The following ATXN7L2 variants were observed in gnomAD, a reference collection of about 807,000 sequenced individuals.
ATXN7L2 encodes ataxin-7-like protein 2.
In ATXN7L2, 17 loss-of-function variants were observed where a neutral mutation model predicts 59.6. The observed-to-expected ratio is 0.29, with a 90% CI of 0.20 to 0.43. The LOEUF is 0.43. ATXN7L2 is among the 20% of genes least tolerant of loss of function. The pLI, the probability that ATXN7L2 is intolerant of heterozygous loss-of-function variation, is 1.00. For missense variants in ATXN7L2, 858 were observed against 1,008.9 expected, an observed-to-expected ratio of 0.85 and a Z score of 2.03; for synonymous variants, 378 against 392.5, an observed-to-expected ratio of 0.96 and a Z score of 0.44.
At position 109,484,093 on chromosome 1, in the gene ATXN7L2, A is replaced by AC. The variant is rs1656383979; in HGVS notation, c.127+16dup. ...CCCGCGGCTGACGGTGAGTAAAGCCACCCTAAAGTCCGGGGACCCCATCAC... is the reference window on the plus strand; with the variant it reads ...CCCGCGGCTGACGGTGAGTAAAGCCACCCCTAAAGTCCGGGGACCCCATCAC... On this transcript the variant is annotated intron_variant, in intron 1 of 10. Transcript: ENST00000683729. 3 of 1,503,060 alleles carry AC rather than the reference A, an allele frequency of 2.0e-6. No individual in the cohort carries two copies. The highest frequency in any genetic ancestry group is 2.7e-6 in the Non-Finnish European group (3 of 1,121,154). The allele number at this position is 1,503,060 out of a possible 1,614,324, so 93.1% of individuals were successfully genotyped here.
At chr1:109,490,161 G>T (rs1172189851) in intron 8 of ATXN7L2, 33 bp downstream of exon 8, 3 of 1,565,864 alleles carry the variant, frequency 1.9e-6, no homozygotes, top group African/African-American at 1.4e-5. Flanking sequence ...TATGGAGGGG[G>T]TGGCCCAGCA....
Position 109,486,355 on chromosome 1 carries a change from G to T in ATXN7L2, c.194-151G>T. ...TATACCCTTTGGGACTGCTTAGATC[G>T]AACTCTGGAAGCTGGAAGCATTCAG... On this transcript the variant is annotated intron_variant, in intron 2 of 10. Coordinates refer to ENST00000683729, the MANE Select transcript of ATXN7L2 (RefSeq NM_001350175.2). The surrounding 1 kb of genome is among the most constrained non-coding windows in gnomAD (Gnocchi z 4.3). 1 of 933,674 alleles carries T rather than the reference G, an allele frequency of 1.1e-6. No individual in the cohort carries two copies. Among genetic ancestry groups the T allele is most frequent in the African/African-American group, 1.7e-5 (1 of 60,004 alleles). The allele number at this position is 933,674 out of a possible 1,614,324, so 57.8% of individuals were successfully genotyped here.
Position 109,491,030 on chromosome 1 carries a change from C to G in ATXN7L2, c.1563C>G (p.Thr521=). 1.2e-6 allele frequency: 2 copies of G among 1,613,754 alleles called. No homozygotes were observed. Among genetic ancestry groups the G allele is most frequent in the Non-Finnish European group, 1.7e-6 (2 of 1,180,022 alleles). The change falls in exon 10 of 11, where the codon ACC becomes ACG. Residue 521 remains threonine, a synonymous_variant. Transcript: ENST00000683729. This position sits in a 1 kb window ranked among gnomAD's most constrained non-coding sequence, Gnocchi z 4.1. ...CCTGCCCCCGCCTTCCAGGTCCAAC[C>G]CTGAGACCTGCCTGCCCAGCCTCCA... ...TGTCPRLPGP[T]LRPACPASMP... is the part of the protein sequence containing the mutation.
At chr1:109,487,450 C>T in intron 4 of ATXN7L2, 68 bp from the exon 5 acceptor site, 1 of 1,398,694 alleles carries the variant, frequency 7.1e-7, no homozygotes, top group South Asian at 1.6e-5. Flanking sequence ...TGGCTCTGGG[C>T]TAGAGTCCAG....
rs954145954 is a variant in ATXN7L2 at position 109,491,265 on chromosome 1, C to T, written c.1798C>T (p.Pro600Ser). 2 of 1,614,240 alleles carry T rather than the reference C, an allele frequency of 1.2e-6. No individual in the cohort carries two copies. The highest frequency in any genetic ancestry group is 1.7e-6 in the Non-Finnish European group (2 of 1,180,052). Residue 600 changes from proline (P) to serine (S), a missense_variant, in exon 10 of 11, where the codon CCT becomes TCT. Physicochemically the swap from Pro to Ser is moderately conservative, Grantham distance 74. Transcript: ENST00000683729. The surrounding 1 kb of genome is among the most constrained non-coding windows in gnomAD (Gnocchi z 4.1). ...CAAGGACGGGGTGGAGGTGGAGGCC[C>T]CTTCTCGAAAGCGGAAGTTATCCCC... Reference protein sequence around the residue: ...KGKDGVEVEAPSRKRKLSPGP... With the variant: ...KGKDGVEVEASSRKRKLSPGP...
rs776371620 is a variant in ATXN7L2, at chr1:109,491,271, C to T, written c.1804C>T (p.Arg602Ter). Residue 602 changes from arginine to a stop codon, truncating the protein, a stop_gained, in exon 10 of 11, where the codon CGA (arginine) becomes TGA (stop). Coordinates refer to ENST00000683729, the MANE Select transcript of ATXN7L2 (RefSeq NM_001350175.2). LOFTEE classifies it high-confidence loss of function. This position sits in a 1 kb window ranked among gnomAD's most constrained non-coding sequence, Gnocchi z 4.1. ...CGGGGTGGAGGTGGAGGCCCCTTCT[C>T]GAAAGCGGAAGTTATCCCCTGGCCC... ...KDGVEVEAPS[R>*]KRKLSPGPTT... is the part of the protein sequence containing the mutation. 1.2e-6 allele frequency: 2 copies of T among 1,614,242 alleles called. No individual in the cohort carries two copies. The highest frequency in any genetic ancestry group is 8.5e-7 in the Non-Finnish European group (1 of 1,180,048).
chr1:109,484,045 C>G lies in ATXN7L2; in HGVS notation c.92C>G (p.Ser31Trp). 6.6e-7 allele frequency: 1 copy of G among 1,514,886 alleles called. No individual in the cohort carries two copies. Among genetic ancestry groups the G allele is most frequent in the Non-Finnish European group, 8.9e-7 (1 of 1,128,862 alleles). The allele number at this position is 1,514,886 out of a possible 1,614,324, so 93.8% of individuals were successfully genotyped here. A position where few individuals can be genotyped will look rare whatever the true frequency, so the allele number is the denominator to read the frequency against. ...LDDFAGQSWS[S>W]WVERADLPAA... is the part of the protein sequence containing the mutation. ...GACTTCGCGGGACAGAGCTGGAGCT[C>G]GTGGGTGGAGCGGGCCGACCTGCCC... Residue 31 changes from serine to tryptophan, a missense_variant, in exon 1 of 11, where the codon TCG becomes TGG. Coordinates refer to ENST00000683729, the MANE Select transcript of ATXN7L2 (RefSeq NM_001350175.2).
chr1:109,489,747 C>G, intron 7 of ATXN7L2, 183 bp from the exon 8 acceptor site: 1 of 656,454 alleles, frequency 1.5e-6, no homozygotes, highest in Non-Finnish European at 2.6e-6. Flanking sequence ...AGCAGTCTCT[C>G]TGTCTCTTAC....
chr1:109,490,273 C>T lies in ATXN7L2; in HGVS notation c.1335C>T (p.Phe445=). ...ATGCACCTTCCTTCTGCCTTTAGTT[C>T]TGCACCTTTGGGAGCCGGCTGGTGA... The part of the protein sequence containing the change: ...YATRPPRPQA[F]CTFGSRLVSP... Residue 445 remains phenylalanine (F), a splice_region_variant and synonymous_variant, in exon 9 of 11, where the codon TTC becomes TTT. Coordinates refer to ENST00000683729, the MANE Select transcript of ATXN7L2 (RefSeq NM_001350175.2). 3.1e-6 allele frequency: 5 copies of T among 1,613,716 alleles called. No homozygotes were observed. Among genetic ancestry groups the T allele is most frequent in the Non-Finnish European group, 8.5e-7 (1 of 1,179,970 alleles).
At chr1:109,485,742 G>T in intron 1 of ATXN7L2, 1 of 1,057,194 alleles carries the variant, frequency 9.5e-7, no homozygotes, top group Non-Finnish European at 1.1e-6. Flanking sequence ...ACCCTAAACT[G>T]CACCTTGAAG....
rs780349000 is a variant in ATXN7L2, at chr1:109,489,038, T to C, written c.1071T>C (p.Ala357=). The C allele has an allele frequency of 8.1e-6, 13 of 1,614,150 alleles. 1 individual carries two copies. The South Asian group carries it at 1.4e-4, about 18-fold the overall frequency. ...PSSVQVVAAV[A]APSSTFSVRA... ...CAGTCCAGGTTGTAGCAGCGGTGGC[T>C]GCTCCCAGCAGCACCTTCTCTGTTC... is the stretch of plus-strand genomic sequence containing the variant. The change falls in exon 7 of 11, where the codon GCT becomes GCC. Residue 357 remains alanine (A), a synonymous_variant. Coordinates refer to ENST00000683729, the MANE Select transcript of ATXN7L2 (RefSeq NM_001350175.2).
At chr1:109,487,265 A>G (rs1480089854) in intron 4 of ATXN7L2, 48 bp downstream of exon 4, 3 of 1,441,458 alleles carry the variant, frequency 2.1e-6, no homozygotes, top group Non-Finnish European at 2.8e-6. Flanking sequence ...ACCCTGACCC[A>G]TGGATGGGCT....
intron 10 of ATXN7L2, chr1:109,492,016 C>A (rs1177495004): frequency 8.5e-7 from 1 of 1,179,808 alleles, no homozygotes; most frequent in South Asian, 3.2e-5. Flanking sequence ...TGGCTGTGAC[C>A]CTCATTCCAG....
In ATXN7L2 at chr1:109,486,477, C is replaced by A. The variant is rs1200092111; in HGVS notation, c.194-29C>A. On this transcript the variant is annotated intron_variant, in intron 2 of 10. Coordinates refer to ENST00000683729, the MANE Select transcript of ATXN7L2 (RefSeq NM_001350175.2). The surrounding 1 kb of genome is among the most constrained non-coding windows in gnomAD (Gnocchi z 4.3). ...CCAGAGAAACCCTGGGATCTTCAGCCCCAGTGACATGGGCTTCTGTCATTG... is the reference window on the plus strand; with the variant it reads ...CCAGAGAAACCCTGGGATCTTCAGCACCAGTGACATGGGCTTCTGTCATTG... 3 of 1,577,596 alleles carry A rather than the reference C, an allele frequency of 1.9e-6. No individual in the cohort carries two copies. The East Asian group carries it at 6.8e-5, about 36-fold the overall frequency.
chr1:109,485,969 T>G (rs773237238), intron 1 of ATXN7L2, 88 bp from the exon 2 acceptor site: 59 of 1,418,128 alleles, frequency 4.2e-5, no homozygotes, highest in Non-Finnish European at 4.6e-5. Context: ...CTCTGGGTTG[T>G]CTTCTGGGAA....
chr1:109,484,672 C>G (rs1656445632), intron 1 of ATXN7L2, among the ~76,000 whole-genome samples: 1 of 152,208 alleles, frequency 6.6e-6, no homozygotes, highest in Non-Finnish European at 1.5e-5. Flanking sequence ...TGCCTCTTGG[C>G]TCTCTGCTCT....
Position 109,487,677 on chromosome 1 carries a change from A to C in ATXN7L2, c.669A>C (p.Glu223Asp), listed in dbSNP as rs1656694248. ...CTCCCATGGCTCCCCCTTCTAAAGA[A>C]CCTCCTGGCAGAGAGAACATCGAGA... ...GKPPMAPPSKEPPGRENIEII... is the reference protein window; with the variant it reads ...GKPPMAPPSKDPPGRENIEII... Residue 223 changes from glutamate to aspartate, a missense_variant, in exon 5 of 11, where the codon GAA becomes GAC. Glu to Asp is a conservative substitution (Grantham distance 45, BLOSUM62 2). This residue lies in a region of ATXN7L2 where 734 missense variants were observed against 862.3 expected (regional missense o/e 0.85). Transcript: ENST00000683729. The C allele has an allele frequency of 6.2e-7, 1 of 1,610,912 alleles. No individual in the cohort carries two copies. Among genetic ancestry groups the C allele is most frequent in the African/African-American group, 1.3e-5 (1 of 74,484 alleles).
intron 9 of ATXN7L2, 109 bp from the exon 10 acceptor site, chr1:109,490,813 G>T: frequency 7.9e-7 from 1 of 1,261,404 alleles, no homozygotes; most frequent in Non-Finnish European, 1.1e-6. Context: ...GCAACTCTGG[G>T]GCTCTGCTGA....
At position 109,489,064 on chromosome 1, in the gene ATXN7L2, G is replaced by A. The variant is rs374236558; in HGVS notation, c.1097G>A (p.Arg366His). 13 of 1,614,012 alleles carry A rather than the reference G, an allele frequency of 8.1e-6. No homozygotes were observed. The highest frequency in any genetic ancestry group is 4.4e-5 in the South Asian group (4 of 91,086). ...GCTCCCAGCAGCACCTTCTCTGTTC[G>A]TGCCAAGCAGACCTACCCATACTGT... ...VAAPSSTFSV[R>H]AKQTYPYCAL... The change falls in exon 7 of 11, where the codon CGT becomes CAT. Residue 366 changes from arginine (R) to histidine (H), a missense_variant. By Grantham distance (29) the Arg-to-His change is conservative. Coordinates refer to ENST00000683729, the MANE Select transcript of ATXN7L2 (RefSeq NM_001350175.2).
Sources: allele counts gnomAD v4.1 joint callset (sites outside exome capture counted in the v4.1 genomes callset), GRCh38; gene constraint gnomAD v4.1.1; regional missense constraint gnomAD v4.1.1; non-coding constraint Gnocchi (gnomAD v3.1); transcripts MANE v1.5; gene names NCBI Gene and HGNC (gene_info 2026-07-23, HGNC 2026-07-21).